NKAP: variants seen among roughly 807,000 people sequenced by gnomAD.
NKAP encodes NF-kappa-B-activating protein.
A neutral mutation model predicts 35.6 loss-of-function variants in NKAP; 4 were observed. The observed-to-expected ratio is 0.11, with a 90% CI of 0.06 to 0.26. The LOEUF (loss-of-function observed/expected upper bound fraction) is 0.26, where lower values mean the gene tolerates loss of function less well. NKAP is among the 10% of genes least tolerant of loss of function. The probability of loss-of-function intolerance (pLI) is 1.00; values close to 1 mark genes in which losing one functional copy is unlikely to be tolerated. For synonymous variants in NKAP, 106 were observed against 119.2 expected (o/e 0.89, Z 0.72); for missense variants, 238 against 321.9 (o/e 0.74, Z 1.99).
chrX:119,943,275 C>T lies in NKAP; in HGVS notation c.331G>A (p.Asp111Asn), dbSNP rs200925009. ...TCGAGGAGGCTAGGCCAAGGCTTGTCGCTCCCGTAGGGGCGCGAGTAGCTG... is the reference window on the plus strand; with the variant it reads ...TCGAGGAGGCTAGGCCAAGGCTTGTTGCTCCCGTAGGGGCGCGAGTAGCTG... ...YGSYSRPYGSDKPWPSLLDKE... is the reference protein window; with the variant it reads ...YGSYSRPYGSNKPWPSLLDKE... Residue 111 changes from aspartate to asparagine, a missense_variant, in exon 1 of 9, where the codon GAC (aspartate) becomes AAC (asparagine). Asp to Asn is a conservative substitution (Grantham distance 23, BLOSUM62 1). Coordinates refer to ENST00000371410, the MANE Select transcript of NKAP (RefSeq NM_024528.4). 8.3e-7 allele frequency: 1 copy of T among 1,209,791 alleles called. No homozygotes were observed. Among genetic ancestry groups the T allele is most frequent in the East Asian group, 3.0e-5 (1 of 33,774 alleles).
chrX:119,930,995 G>GCCAGT (rs2056738270), intron 7 of NKAP, among the ~76,000 whole-genome samples: 1 of 109,285 alleles, frequency 9.2e-6, no homozygotes, highest in Non-Finnish European at 1.9e-5. Context: ...ACAAAAATTA[G>GCCAGT]TCCGGGCGTG....
At chrX:119,940,384 T>C (rs1315229246) in intron 1 of NKAP, among the ~76,000 whole-genome samples, 1 of 103,617 alleles carries the variant, frequency 9.7e-6, no homozygotes, top group Non-Finnish European at 2.0e-5. Flanking sequence ...CTATACTCAA[T>C]GAGATACAAG....
intron 8 of NKAP, among the ~76,000 whole-genome samples, chrX:119,925,929 C>CTTTTTTTTTTTTTTTTTTTTTTTTTTTTT (rs1305744041): frequency 2.2e-5 from 1 of 46,434 alleles, no homozygotes; most frequent in South Asian, 1.4e-3. Flanking sequence ...ATCCTTTTTT[C>CTTTTTTTTTTTTTTTTTTTTTTTTTTTTT]TTTTTTTTTT....
rs779731759 is a variant in NKAP at position 119,924,097 on chromosome X, T to A, written c.*1123A>T. On this transcript the variant is annotated 3_prime_UTR_variant, in exon 9 of 9. Transcript: ENST00000371410. ...CCCATTATTTCCAGGGTAGATCATA[T>A]ATTATAGTACACAAGTCAGTTTTCA... The A allele has an allele frequency of 8.9e-6, 1 of 112,187 alleles. No homozygotes were observed. Among genetic ancestry groups the A allele is most frequent in the East Asian group, 2.8e-4 (1 of 3,596 alleles). 9.2% of individuals were successfully genotyped at this position (112,187 alleles called of 1,213,427 possible).
At chrX:119,940,937 C>T (rs944841357) in intron 1 of NKAP, among the ~76,000 whole-genome samples, 1 of 110,431 alleles carries the variant, frequency 9.1e-6, no homozygotes, top group South Asian at 3.8e-4. Context: ...GTCAGGAGTT[C>T]GAGACCAGCC....
chrX:119,931,361 C>G (rs2056740084), intron 7 of NKAP, among the ~76,000 whole-genome samples: 1 of 109,624 alleles, frequency 9.1e-6, no homozygotes, highest in Non-Finnish European at 1.9e-5. Context: ...AAAAAATTAG[C>G]TGAGTGTGGT....
intron 7 of NKAP, among the ~76,000 whole-genome samples, chrX:119,931,570 C>A (rs1212528522): frequency 1.8e-5 from 2 of 111,656 alleles, no homozygotes; most frequent in Non-Finnish European, 3.8e-5. Context: ...ATAAAAAATT[C>A]TGTGAGGATC....
In NKAP at chrX:119,943,612, T is replaced by TG; in HGVS notation, c.-8dup. On this transcript the variant is annotated 5_prime_UTR_variant, in exon 1 of 9. Coordinates refer to ENST00000371410, the MANE Select transcript of NKAP (RefSeq NM_024528.4). ...AGCCGGACACCGGAGCCATGGCTAC[T>TG]GGGGGGCCCCAGCAGCCGTGGGACA... 8.6e-7 allele frequency: 1 copy of TG among 1,162,609 alleles called. No homozygotes were observed. Among genetic ancestry groups the TG allele is most frequent in the Non-Finnish European group, 1.1e-6 (1 of 870,998 alleles).
chrX:119,922,706 G>A lies in NKAP; in HGVS notation c.*2514C>T, dbSNP rs1370510428. ...TGCACCACTGAACTCTAGCCTGGGT[G>A]ACAGAGGGAGACCCTGTCTCAAAAA... On this transcript the variant is annotated 3_prime_UTR_variant, in exon 9 of 9. Coordinates refer to ENST00000371410, the MANE Select transcript of NKAP (RefSeq NM_024528.4). 9.0e-6 allele frequency: 1 copy of A among 111,280 alleles called. No individual in the cohort carries two copies. Among genetic ancestry groups the A allele is most frequent in the Non-Finnish European group, 1.9e-5 (1 of 53,022 alleles). 9.2% of individuals were successfully genotyped at this position (111,280 alleles called of 1,213,427 possible).
At chrX:119,928,582 A>G (rs761691778) in intron 8 of NKAP, among the ~76,000 whole-genome samples, 54 of 111,984 alleles carry the variant, frequency 4.8e-4, no homozygotes, top group Non-Finnish European at 2.8e-4. Context: ...TTTTTTTTTA[A>G]GACGGAGTTT....
At chrX:119,941,139 C>CA (rs774116965) in intron 1 of NKAP, among the ~76,000 whole-genome samples, 237 of 66,373 alleles carry the variant, frequency 3.6e-3, no homozygotes, top group South Asian at 5.3e-3. Flanking sequence ...GACTCCATCT[C>CA]AAAAAAAAAA....
chrX:119,936,955 G>C, intron 2 of NKAP: 1 of 218,446 alleles, frequency 4.6e-6, no homozygotes, highest in Non-Finnish European at 8.1e-6. Flanking sequence ...ACACTTTAGA[G>C]TTTACATAGT....
chrX:119,934,692 C>T (rs1025860188), intron 4 of NKAP, 135 bp from the exon 5 acceptor site: 9 of 399,954 alleles, frequency 2.3e-5, no homozygotes, highest in Non-Finnish European at 3.8e-5. Context: ...ACATTTATTG[C>T]TATTTGTCAC....
chrX:119,942,208 C>T (rs1431617385), intron 1 of NKAP, among the ~76,000 whole-genome samples: 10 of 111,338 alleles, frequency 9.0e-5, no homozygotes. Context: ...CATGTGGGGT[C>T]ATACCTGTAA....
intron 5 of NKAP, 49 bp downstream of exon 5, chrX:119,934,430 CAAAAAAAAAAAAAAA>C: frequency 5.2e-6 from 1 of 190,564 alleles, no homozygotes; most frequent in Non-Finnish European, 6.9e-6. Context: ...GACTCTGTCT[CAAAAAAAAAAAAAAA>C]AAAAAAAAAA....
In NKAP at chrX:119,943,200, A is replaced by G; in HGVS notation, c.386+20T>C. On this transcript the variant is annotated intron_variant, in intron 1 of 8. Transcript: ENST00000371410. The stretch of plus-strand genomic sequence containing the variant: ...AGGCACGTAGGCTCGTACAAGAGAA[A>G]GTGCGGCCGTCTCACTCACTTCTGC... 8.6e-7 allele frequency: 1 copy of G among 1,159,250 alleles called. No individual in the cohort carries two copies. The highest frequency in any genetic ancestry group is 1.2e-6 in the Non-Finnish European group (1 of 869,454).
At chrX:119,935,670 C>T (rs1174370182) in intron 4 of NKAP, among the ~76,000 whole-genome samples, 4 of 111,189 alleles carry the variant, frequency 3.6e-5, no homozygotes, top group Non-Finnish European at 5.7e-5. Flanking sequence ...GAAACTTCGG[C>T]GATATCAGAG....
chrX:119,928,038 T>C (rs751680600), intron 8 of NKAP, among the ~76,000 whole-genome samples: 13 of 112,434 alleles, frequency 1.2e-4, no homozygotes, highest in Non-Finnish European at 2.3e-4. Context: ...ATATAAATTT[T>C]AGAACCAGCT....
At chrX:119,929,845 T>C (rs959859799) in intron 8 of NKAP, among the ~76,000 whole-genome samples, 171 bp downstream of exon 8, 7 of 112,284 alleles carry the variant, frequency 6.2e-5, no homozygotes, top group African/African-American at 2.3e-4. Context: ...ATACTTGGAA[T>C]TGCAGAAAAC....
Sources: allele counts gnomAD v4.1 joint callset (sites outside exome capture counted in the v4.1 genomes callset), GRCh38; gene constraint gnomAD v4.1.1; transcripts MANE v1.5; gene names NCBI Gene and HGNC (gene_info 2026-07-23, HGNC 2026-07-21).